The following ZNF800 variants were observed in gnomAD, a reference collection of about 807,000 sequenced individuals.
ZNF800 encodes zinc finger protein 800.
In ZNF800, 13 loss-of-function variants were observed where a neutral mutation model predicts 59.5. That is an observed-to-expected ratio of 0.22 (90% CI 0.14 to 0.35). The LOEUF is 0.35. Ranked by LOEUF, ZNF800 falls within the 10% of genes least tolerant of loss-of-function variation. The pLI is 1.00. For synonymous variants in ZNF800, 266 were observed against 265.7 expected, an observed-to-expected ratio of 1.00 and a Z score of -0.01; for missense variants, 621 against 783.7, an observed-to-expected ratio of 0.79 and a Z score of 2.48.
downstream of ZNF800, among the ~76,000 whole-genome samples, chr7:127,365,317 C>G (rs758156750): frequency 1.5e-4 from 23 of 152,106 alleles, no homozygotes; most frequent in Non-Finnish European, 1.6e-4. Context: ...AGAAGCTATA[C>G]AGATTAGATC....
At chr7:127,345,299 C>CA (rs1378335635), downstream of ZNF800, among the ~76,000 whole-genome samples, 1 of 151,502 alleles carries the variant, frequency 6.6e-6, no homozygotes, top group Non-Finnish European at 1.5e-5. Flanking sequence ...AAATAGACCC[C>CA]CCCCCCAAAG....
chr7:127,359,046 A>G (rs1800341131), intron 1 of ZNF800, among the ~76,000 whole-genome samples: 2 of 152,146 alleles, frequency 1.3e-5, no homozygotes, highest in African/African-American at 4.8e-5. Context: ...CAACCTTTAA[A>G]AGGCAAACAC....
chr7:127,384,034 C>T (rs2117178691), intron 3 of ZNF800, among the ~76,000 whole-genome samples: 1 of 151,902 alleles, frequency 6.6e-6, no homozygotes, highest in Non-Finnish European at 1.5e-5. Context: ...ACGACAAACA[C>T]AGAGAACAGA....
chr7:127,384,359 G>GT lies in ZNF800; in HGVS notation c.157+1700_157+1701insA, dbSNP rs1466246460. Among the ~76,000 whole-genome samples the GT allele has an allele frequency of 6.0e-5, 9 of 148,838 alleles. No individual in the cohort carries two copies. In the East Asian group the frequency reaches 1.8e-3, roughly 30 times the overall value. On this transcript the variant is annotated intron_variant, in intron 3 of 5. Transcript: ENST00000265827. ...CGCCATTCTCCTGCCTCAGCCTCTC[G>GT]AGTAGCTGAGACTACAGGCGCCCGC...
intron 5 of ZNF800, chr7:127,372,689 A>C (rs1047666154): frequency 1.7e-4 from 170 of 985,128 alleles, no homozygotes; most frequent in Non-Finnish European, 1.9e-4. Flanking sequence ...AACAGTAACT[A>C]ACACACACTC....
intron 1 of ZNF800, chr7:127,350,189 CTAAAGA>C (rs1800144929): frequency 6.6e-6 from 1 of 152,206 alleles, no homozygotes; most frequent in Admixed American, 6.5e-5. Flanking sequence ...GAGATTCTGA[CTAAAGA>C]TATGGACTTC....
chr7:127,374,789 C>A lies in ZNF800; in HGVS notation c.547G>T (p.Val183Phe). 1.2e-6 allele frequency: 2 copies of A among 1,613,390 alleles called. No homozygotes were observed. The highest frequency in any genetic ancestry group is 1.7e-6 in the Non-Finnish European group (2 of 1,179,682). Residue 183 changes from valine to phenylalanine, a missense_variant, in exon 5 of 6, where the codon GTT becomes TTT. This residue lies in a region of ZNF800 where 218 missense variants were observed against 230.8 expected (regional missense o/e 0.94). Transcript: ENST00000265827. ...ACAGTTTCCACCTCTGTATCTGTAACCGGTACTGTTTTTGACTGTTCAGTG... is the reference window on the plus strand; with the variant it reads ...ACAGTTTCCACCTCTGTATCTGTAAACGGTACTGTTTTTGACTGTTCAGTG... Reference protein sequence around the residue: ...TSTEQSKTVPVTDTEVETVEP... With the variant: ...TSTEQSKTVPFTDTEVETVEP...
chr7:127,378,684 C>T (rs569003924), intron 3 of ZNF800, among the ~76,000 whole-genome samples: 14 of 150,348 alleles, frequency 9.3e-5, no homozygotes, highest in Admixed American at 2.0e-4. Flanking sequence ...ATTTTGAAAA[C>T]GATGATAAAA....
chr7:127,390,757 T>C (rs991519355), intron 2 of ZNF800, among the ~76,000 whole-genome samples: 5 of 152,208 alleles, frequency 3.3e-5, no homozygotes, highest in African/African-American at 9.6e-5. Flanking sequence ...CTTTTAATGA[T>C]TGTCACAAAG....
chr7:127,376,339 G>GT (rs1221308970), intron 4 of ZNF800, among the ~76,000 whole-genome samples: 1 of 151,892 alleles, frequency 6.6e-6, no homozygotes, highest in Non-Finnish European at 1.5e-5. Flanking sequence ...GACTGACAAA[G>GT]TAAGTTCTAT....
At position 127,374,308 on chromosome 7, in the gene ZNF800, G is replaced by A; in HGVS notation, c.1028C>T (p.Thr343Ile). The A allele has an allele frequency of 1.2e-6, 2 of 1,613,088 alleles. No individual in the cohort carries two copies. The highest frequency in any genetic ancestry group is 1.7e-6 in the Non-Finnish European group (2 of 1,179,750). ...DSISPKKSFK[T>I]RKQKSSSKAE... ...CTTTGAAGAAGACTTTTGTTTTCGA[G>A]TCTTAAAAGATTTTTTAGGAGAAAT... is the stretch of plus-strand genomic sequence containing the variant. The change falls in exon 5 of 6, where the codon ACT (threonine) becomes ATT (isoleucine). Residue 343 changes from threonine (T) to isoleucine (I), a missense_variant. Coordinates refer to ENST00000265827, the MANE Select transcript of ZNF800 (RefSeq NM_176814.5).
At position 127,374,437 on chromosome 7, in the gene ZNF800, G is replaced by A. The variant is rs758365636; in HGVS notation, c.899C>T (p.Ala300Val). The A allele has an allele frequency of 1.2e-6, 2 of 1,613,754 alleles. No homozygotes were observed. Among genetic ancestry groups the A allele is most frequent in the Non-Finnish European group, 8.5e-7 (1 of 1,179,952 alleles). The change falls in exon 5 of 6, where the codon GCG (alanine) becomes GTG (valine). Residue 300 changes from alanine to valine, a missense_variant. Coordinates refer to ENST00000265827, the MANE Select transcript of ZNF800 (RefSeq NM_176814.5). ...TTCATCAAAATGCCTCCTTACATTCGCTTTTGTAGCAAATGATTTACAACA... is the reference window on the plus strand; with the variant it reads ...TTCATCAAAATGCCTCCTTACATTCACTTTTGTAGCAAATGATTTACAACA... Reference protein sequence around the residue: ...PVCCKSFATKANVRRHFDEVH... With the variant: ...PVCCKSFATKVNVRRHFDEVH...
At chr7:127,391,962 G>A (rs1290901519) in intron 1 of ZNF800, 98 bp downstream of exon 1, 4 of 377,838 alleles carry the variant, frequency 1.1e-5, no homozygotes, top group Non-Finnish European at 1.9e-5. Context: ...TGCCGCTCCC[G>A]CCGGCTGCTG....
intron 1 of ZNF800, chr7:127,364,389 T>C (rs1290877541): frequency 1.3e-5 from 2 of 152,130 alleles, no homozygotes; most frequent in Non-Finnish European, 2.9e-5. Flanking sequence ...AGGAACTAGC[T>C]TGGGCTTCGG....
At chr7:127,380,976 T>C (rs1384819195) in intron 3 of ZNF800, among the ~76,000 whole-genome samples, 1 of 152,230 alleles carries the variant, frequency 6.6e-6, no homozygotes, top group Non-Finnish European at 1.5e-5. Context: ...TTATCTTGTG[T>C]TATTCTTTAA....
In ZNF800 at chr7:127,374,299, T is replaced by C. The variant is rs561316296; in HGVS notation, c.1037A>G (p.Gln346Arg). 2 of 1,613,196 alleles carry C rather than the reference T, an allele frequency of 1.2e-6. No homozygotes were observed. Among genetic ancestry groups the C allele is most frequent in the Non-Finnish European group, 8.5e-7 (1 of 1,179,786 alleles). The change falls in exon 5 of 6, where the codon CAA (glutamine) becomes CGA (arginine). Residue 346 changes from glutamine (Q) to arginine (R), a missense_variant. Coordinates refer to ENST00000265827, the MANE Select transcript of ZNF800 (RefSeq NM_176814.5). ...SPKKSFKTRK[Q>R]KSSSKAEYNL... ...GTATTCAGCCTTTGAAGAAGACTTT[T>C]GTTTTCGAGTCTTAAAAGATTTTTT...
chr7:127,368,824 CTATT>C (rs1173040183), downstream of ZNF800, among the ~76,000 whole-genome samples: 1 of 152,020 alleles, frequency 6.6e-6, no homozygotes, highest in East Asian at 1.9e-4. Context: ...GCAGAACAGA[CTATT>C]TATTGACCAT....
At chr7:127,369,349 T>C (rs546736424), downstream of ZNF800, among the ~76,000 whole-genome samples, 80 of 152,260 alleles carry the variant, frequency 5.3e-4, 1 homozygote, top group African/African-American at 1.8e-3. Context: ...TAATCCTCAC[T>C]ATAACAATAC....
At chr7:127,360,005 C>T (rs937109083) in intron 1 of ZNF800, 2 of 151,878 alleles carry the variant, frequency 1.3e-5, no homozygotes, top group African/African-American at 2.4e-5. Flanking sequence ...ACCATCAGCA[C>T]GGACATCACA....
Sources: allele counts gnomAD v4.1 joint callset (sites outside exome capture counted in the v4.1 genomes callset), GRCh38; gene constraint gnomAD v4.1.1; regional missense constraint gnomAD v4.1.1; transcripts MANE v1.5; gene names NCBI Gene and HGNC (gene_info 2026-07-23, HGNC 2026-07-21).